RNF38: variants seen among roughly 807,000 people sequenced by gnomAD.
RNF38 encodes the protein ring finger protein 38, also known as E3 ubiquitin-protein ligase RNF38.
RNF38 carries 15 observed loss-of-function variants against 67.2 expected under a neutral mutation model. The ratio of observed to expected loss-of-function variants is 0.22; its 90% CI spans 0.15 to 0.34. RNF38 has a LOEUF of 0.34. RNF38 is among the 10% of genes least tolerant of loss of function. The pLI is 1.00. For missense variants in RNF38, 524 were observed against 639.9 expected, an observed-to-expected ratio of 0.82 and a Z score of 1.95; for synonymous variants, 220 against 218.8, an observed-to-expected ratio of 1.01 and a Z score of -0.05.
intron 1 of RNF38, among the ~76,000 whole-genome samples, chr9:36,460,408 G>T (rs1839699501): frequency 6.6e-6 from 1 of 152,140 alleles, no homozygotes. Flanking sequence ...ACATACTGGA[G>T]TAAATGGAGG....
intron 2 of RNF38, among the ~76,000 whole-genome samples, chr9:36,414,382 T>G (rs1838406056): frequency 6.6e-6 from 1 of 152,148 alleles, no homozygotes; most frequent in East Asian, 1.9e-4. Context: ...TGGTGTACTT[T>G]GAAGTTTTGT....
rs770578600 is a variant in RNF38 at position 36,400,141 on chromosome 9, G to T, written c.-33C>A. 2 of 1,610,850 alleles carry T rather than the reference G, an allele frequency of 1.2e-6. No homozygotes were observed. Among genetic ancestry groups the T allele is most frequent in the South Asian group, 2.2e-5 (2 of 90,838 alleles). On this transcript the variant is annotated 5_prime_UTR_variant, in exon 1 of 12. Coordinates refer to ENST00000259605, the MANE Select transcript of RNF38 (RefSeq NM_022781.5). ...TAAACAAAAACTTTATTTCTTTTTG[G>T]ACCTCAATAACCTGAAACACTCCCG...
chr9:36,377,676 C>T (rs937825729), intron 2 of RNF38, among the ~76,000 whole-genome samples: 1 of 152,180 alleles, frequency 6.6e-6, no homozygotes, highest in Non-Finnish European at 1.5e-5. Flanking sequence ...CTCCCCCATA[C>T]CAAAATCTTA....
intron 1 of RNF38, among the ~76,000 whole-genome samples, chr9:36,477,821 C>A (rs372159225): frequency 3.9e-3 from 433 of 110,216 alleles, no homozygotes; most frequent in Admixed American, 4.9e-3. Context: ...GACTCTGTCT[C>A]AAAAAAAAAA....
exon 1 of RNF38, chr9:36,487,468 C>A: frequency 2.0e-6 from 2 of 979,504 alleles, no homozygotes; most frequent in Non-Finnish European, 2.4e-6. Context: ...CGGGGCCCGG[C>A]CTGGGAGACG....
chr9:36,412,429 C>A (rs528742169), intron 2 of RNF38, among the ~76,000 whole-genome samples: 118 of 152,362 alleles, frequency 7.7e-4, no homozygotes, highest in African/African-American at 2.7e-3. Context: ...CAATTACTTG[C>A]ACAACATGAA....
At chr9:36,469,512 T>C (rs937740659) in intron 1 of RNF38, among the ~76,000 whole-genome samples, 1 of 150,204 alleles carries the variant, frequency 6.7e-6, no homozygotes, top group Non-Finnish European at 1.5e-5. Context: ...ATACAAAAAA[T>C]TAGCCAGGCG....
At chr9:36,340,408 C>A (rs1832753187) in intron 11 of RNF38, among the ~76,000 whole-genome samples, 2 of 152,144 alleles carry the variant, frequency 1.3e-5, no homozygotes, top group African/African-American at 4.8e-5. Context: ...TTTTTTGAGA[C>A]AGGGTTAAAC....
chr9:36,394,745 A>G (rs1837393632), intron 1 of RNF38, among the ~76,000 whole-genome samples: 1 of 152,182 alleles, frequency 6.6e-6, no homozygotes, highest in African/African-American at 2.4e-5. Flanking sequence ...CAACCCACAA[A>G]ACCACCTTCT....
rs1444005051 is a variant in RNF38 at position 36,337,589 on chromosome 9, TATAA to T, written c.*2159_*2162del. 2.0e-5 allele frequency: 3 copies of T among 152,646 alleles called. No homozygotes were observed. Among genetic ancestry groups the T allele is most frequent in the Non-Finnish European group, 2.9e-5 (2 of 68,044 alleles). The allele number at this position is 152,646 out of a possible 1,614,324, so 9.5% of individuals were successfully genotyped here. A position where few individuals can be genotyped will look rare whatever the true frequency, so the allele number is the denominator to read the frequency against. On this transcript the variant is annotated 3_prime_UTR_variant, in exon 12 of 12. Transcript: ENST00000259605. The stretch of plus-strand genomic sequence containing the variant: ...TGTCGTAGTGTTAGATCTGTACAGA[TATAA>T]ATTTTTTGCAGCTATATAAAAGTGT...
chr9:36,425,887 G>A (rs187872459), intron 1 of RNF38, among the ~76,000 whole-genome samples: 5 of 152,252 alleles, frequency 3.3e-5, no homozygotes, highest in South Asian at 2.1e-4. Context: ...TAGTAGAGAC[G>A]GGGTTTCGCC....
In RNF38 at chr9:36,400,060, A is replaced by C. The variant is rs780911529; in HGVS notation, c.12+37T>G. 1.9e-6 allele frequency: 3 copies of C among 1,589,896 alleles called. No homozygotes were observed. The African/African-American group carries it at 4.0e-5, about 21-fold the overall frequency. ...TACCCAACTTTTACTGAATAATAGC[A>C]TATATCATTTTTGCAACACAAAGAA... On this transcript the variant is annotated intron_variant, in intron 1 of 11. Transcript: ENST00000259605.
At chr9:36,373,489 C>T (rs12377902) in intron 3 of RNF38, among the ~76,000 whole-genome samples, 3 of 151,958 alleles carry the variant, frequency 2.0e-5, no homozygotes, top group Admixed American at 2.0e-4. Flanking sequence ...AACAAGGTTA[C>T]CCTCTAAGAA....
chr9:36,343,515 C>T (rs1156433301), intron 10 of RNF38, among the ~76,000 whole-genome samples: 1 of 152,056 alleles, frequency 6.6e-6, no homozygotes, highest in Non-Finnish European at 1.5e-5. Context: ...CACTCAAGAT[C>T]ATTAGCCATC....
chr9:36,361,742 C>T (rs910594793), intron 4 of RNF38, among the ~76,000 whole-genome samples: 1 of 152,142 alleles, frequency 6.6e-6, no homozygotes, highest in African/African-American at 2.4e-5. Flanking sequence ...GTTGGTGATG[C>T]AGCGTTTCTT....
intron 1 of RNF38, among the ~76,000 whole-genome samples, chr9:36,443,749 C>T (rs1490759173): frequency 6.6e-6 from 1 of 152,180 alleles, no homozygotes; most frequent in African/African-American, 2.4e-5. Context: ...GGTAAACAGA[C>T]TCATCCATCT....
At chr9:36,479,625 T>C (rs1840201851) in intron 1 of RNF38, among the ~76,000 whole-genome samples, 1 of 152,172 alleles carries the variant, frequency 6.6e-6, no homozygotes, top group Non-Finnish European at 1.5e-5. Flanking sequence ...TGAGGAAGTT[T>C]TGACAACAAA....
chr9:36,419,389 C>T (rs772485174), intron 2 of RNF38, among the ~76,000 whole-genome samples: 20 of 152,184 alleles, frequency 1.3e-4, no homozygotes, highest in Non-Finnish European at 2.8e-4. Context: ...TCAAGAAAGA[C>T]TCCTGCTCTG....
upstream of RNF38, chr9:36,400,459 C>G (rs1837929836): frequency 9.5e-7 from 1 of 1,050,980 alleles, no homozygotes; most frequent in African/African-American, 1.7e-5. Flanking sequence ...CGAGGCAAAC[C>G]TTAGCCCAAG....
Sources: allele counts gnomAD v4.1 joint callset (sites outside exome capture counted in the v4.1 genomes callset), GRCh38; gene constraint gnomAD v4.1.1; transcripts MANE v1.5; gene names NCBI Gene and HGNC (gene_info 2026-07-23, HGNC 2026-07-21).